GCNA: variants seen among roughly 807,000 people sequenced by gnomAD.
GCNA encodes germ cell nuclear acidic peptidase.
GCNA carries 3 observed loss-of-function variants against 38.8 expected under a neutral mutation model. The ratio of observed to expected loss-of-function variants is 0.08; its 90% CI spans 0.04 to 0.20. GCNA has a LOEUF of 0.20. Among genes scored for constraint, GCNA ranks in the 10% least tolerant of loss-of-function variants. The pLI, the probability that GCNA is intolerant of heterozygous loss-of-function variation, is 1.00. For missense variants in GCNA, 446 were observed against 578.6 expected, an observed-to-expected ratio of 0.77 and a Z score of 2.35; for synonymous variants, 195 against 240.2, an observed-to-expected ratio of 0.81 and a Z score of 1.74.
intron 2 of GCNA, among the ~76,000 whole-genome samples, chrX:71,587,621 C>G (rs190284799): frequency 1.4e-4 from 16 of 111,406 alleles, no homozygotes; most frequent in African/African-American, 5.2e-4. Flanking sequence ...AATTTCTTGA[C>G]AATGCCAAAG....
At chrX:71,604,897 T>A (rs1356374138) in intron 8 of GCNA, among the ~76,000 whole-genome samples, 1 of 112,248 alleles carries the variant, frequency 8.9e-6, no homozygotes, top group Non-Finnish European at 1.9e-5. Context: ...TATTTGCTGT[T>A]CACTAGCCTA....
At chrX:71,589,751 C>G (rs1461589013) in intron 2 of GCNA, among the ~76,000 whole-genome samples, 1 of 109,888 alleles carries the variant, frequency 9.1e-6, no homozygotes, top group African/African-American at 3.3e-5. Flanking sequence ...AGGCATGAGC[C>G]ACTGCACCCA....
At chrX:71,589,486 G>A (rs1464430493) in intron 2 of GCNA, among the ~76,000 whole-genome samples, 1 of 47,639 alleles carries the variant, frequency 2.1e-5, no homozygotes, top group African/African-American at 6.8e-5. Flanking sequence ...TTTTTTTTGA[G>A]ACAGAGTCTT....
chrX:71,600,321 A>T (rs964903673), intron 7 of GCNA, among the ~76,000 whole-genome samples: 5 of 105,976 alleles, frequency 4.7e-5, no homozygotes, highest in Admixed American at 1.0e-4. Flanking sequence ...GAAGGAAATT[A>T]AAAAAAAAAA....
At chrX:71,605,431 G>A (rs2040761321) in intron 8 of GCNA, among the ~76,000 whole-genome samples, 1 of 112,622 alleles carries the variant, frequency 8.9e-6, no homozygotes. Context: ...ATAGTCCTTG[G>A]TGCCTGTGAC....
At chrX:71,611,783 G>C (rs2040812528) in intron 11 of GCNA, among the ~76,000 whole-genome samples, 1 of 111,431 alleles carries the variant, frequency 9.0e-6, no homozygotes, top group South Asian at 3.8e-4. Flanking sequence ...ATAAAAAAAT[G>C]AGCATGTTGG....
At chrX:71,608,717 CAGGAG>C (rs1250082271) in intron 9 of GCNA, among the ~76,000 whole-genome samples, 2 of 112,370 alleles carry the variant, frequency 1.8e-5, no homozygotes, top group Non-Finnish European at 3.8e-5. Flanking sequence ...AACTAGGTCT[CAGGAG>C]AGAGCTCCAG....
intron 8 of GCNA, 110 bp from the exon 9 acceptor site, chrX:71,605,553 T>C (rs1001269447): frequency 1.8e-6 from 1 of 549,575 alleles, no homozygotes. Flanking sequence ...TTAGAGAAGT[T>C]GCACTGGGCT....
chrX:71,582,380 AT>A lies in GCNA; in HGVS notation c.59+1510del, dbSNP rs746411251. On this transcript the variant is annotated intron_variant, in intron 2 of 12. Coordinates refer to ENST00000373696, the MANE Select transcript of GCNA (RefSeq NM_052957.5). ...AAGGAATGATAAATCTTATTCATTT[AT>A]TTTTTTTTTCTCCCACTTGGAAAAG... Among the ~76,000 whole-genome samples the A allele has an allele frequency of 9.6e-4, 103 of 106,840 alleles. No individual in the cohort carries two copies. In the East Asian group the frequency reaches 0.011, roughly 11 times the overall value. The allele number at this position is 106,840 out of a possible 115,157, so 92.8% of individuals were successfully genotyped here. A position where few individuals can be genotyped will look rare whatever the true frequency, so the allele number is the denominator to read the frequency against.
chrX:71,612,787 A>G (rs2040822623), intron 12 of GCNA, 75 bp from the exon 13 acceptor site: 1 of 1,168,600 alleles, frequency 8.6e-7, no homozygotes, highest in Admixed American at 2.5e-5. Flanking sequence ...TTTGGGCCCA[A>G]GGCTAACATC....
At chrX:71,608,847 C>T in intron 9 of GCNA, 126 bp from the exon 10 acceptor site, 5 of 806,247 alleles carry the variant, frequency 6.2e-6, no homozygotes, top group Non-Finnish European at 8.6e-6. Flanking sequence ...TTGGGAAATG[C>T]CCTGATCTAA....
chrX:71,583,937 G>A (rs971363824), intron 2 of GCNA, among the ~76,000 whole-genome samples: 4 of 108,956 alleles, frequency 3.7e-5, no homozygotes, highest in Non-Finnish European at 7.6e-5. Context: ...TGAACTCCTG[G>A]CCTCAAGTGA....
chrX:71,582,137 G>A (rs1297392219), intron 2 of GCNA, among the ~76,000 whole-genome samples: 2 of 108,139 alleles, frequency 1.8e-5, no homozygotes, highest in Admixed American at 1.0e-4. Context: ...AGCTGGGCAC[G>A]GCGGCTGCAC....
chrX:71,584,674 CTAACACAGTGAAACTCCATCTCTAG>C (rs2040571827), intron 2 of GCNA, among the ~76,000 whole-genome samples: 1 of 110,576 alleles, frequency 9.0e-6, no homozygotes, highest in Non-Finnish European at 1.9e-5. Context: ...ACCATCCTGG[CTAACACAGTGAAACTCCATCTCTAG>C]TAAAAATACA....
chrX:71,607,067 T>A (rs775187048), intron 9 of GCNA, among the ~76,000 whole-genome samples: 9 of 111,634 alleles, frequency 8.1e-5, no homozygotes, highest in African/African-American at 2.6e-4. Context: ...GTTCCTCTGA[T>A]GTGAAGGTGC....
At position 71,603,901 on chromosome X, in the gene GCNA, C is replaced by G. The variant is rs1463156881; in HGVS notation, c.624C>G (p.Asn208Lys). ...ACAGTGATGATTCATCCGACGACAA[C>G]AGTGATGATTCGGATGTTCCCGACG... Reference protein sequence around the residue: ...DDNSDDSSDDNSDDSDVPDDK... With the variant: ...DDNSDDSSDDKSDDSDVPDDK... The change falls in exon 8 of 13, where the codon AAC (asparagine) becomes AAG (lysine). Residue 208 changes from asparagine to lysine, a missense_variant. Physicochemically the swap from Asn to Lys is moderately conservative, Grantham distance 94. This residue lies in a region of GCNA where 118 missense variants were observed against 122.8 expected (regional missense o/e 0.96). Coordinates refer to ENST00000373696, the MANE Select transcript of GCNA (RefSeq NM_052957.5). 7.7e-5 allele frequency: 93 copies of G among 1,206,316 alleles called. No individual in the cohort carries two copies. Among genetic ancestry groups the G allele is most frequent in the South Asian group, 1.9e-4 (11 of 56,532 alleles).
chrX:71,595,171 A>G (rs1468735423), intron 6 of GCNA, among the ~76,000 whole-genome samples: 3 of 111,915 alleles, frequency 2.7e-5, no homozygotes, highest in Non-Finnish European at 5.6e-5. Context: ...ATCTCGGCTC[A>G]CTGCAGCCTC....
rs986891048 is a variant in GCNA at position 71,611,392 on chromosome X, G to T, written c.1750+573G>T. Among the ~76,000 whole-genome samples the T allele has an allele frequency of 2.7e-5, 3 of 111,715 alleles. No homozygotes were observed. In the Admixed American group the frequency reaches 2.9e-4, roughly 11 times the overall value. On this transcript the variant is annotated intron_variant, in intron 11 of 12. Transcript: ENST00000373696. Reference sequence around the variant, plus strand: ...GCCTTCAAAACATACCACAGGCTGGGTGTGGTGGCACCCATCTGTAGTCCC... The same window carrying T: ...GCCTTCAAAACATACCACAGGCTGGTTGTGGTGGCACCCATCTGTAGTCCC...
Position 71,582,313 on chromosome X carries a change from C to T in GCNA, c.59+1433C>T, listed in dbSNP as rs373464589. Reference sequence around the variant, plus strand: ...ATCAGCTTTTAATTATATTGCTTCTCATTAAATAAGTGATAAGTTTTAATT... The same window carrying T: ...ATCAGCTTTTAATTATATTGCTTCTTATTAAATAAGTGATAAGTTTTAATT... On this transcript the variant is annotated intron_variant, in intron 2 of 12. Coordinates refer to ENST00000373696, the MANE Select transcript of GCNA (RefSeq NM_052957.5). Among the ~76,000 whole-genome samples the T allele has an allele frequency of 5.6e-5, 6 of 107,070 alleles. No homozygotes were observed. In the East Asian group the frequency reaches 1.4e-3, roughly 25 times the overall value. 93.0% of individuals were successfully genotyped at this position (107,070 alleles called of 115,157 possible).
Sources: gnomAD v4.1 joint callset for allele counts (sites outside exome capture counted in the v4.1 genomes callset) on GRCh38, gnomAD v4.1.1 for gene constraint, gnomAD v4.1.1 regional missense constraint, MANE v1.5 for transcripts, NCBI Gene and HGNC (gene_info 2026-07-23, HGNC 2026-07-21) for gene names.